Variants in ASXL2 observed in about 807,000 individuals in gnomAD.
ASXL2 encodes putative Polycomb group protein ASXL2.
A neutral mutation model predicts 122.0 loss-of-function variants in ASXL2; 23 were observed. The ratio of observed to expected loss-of-function variants is 0.19; its 90% CI spans 0.14 to 0.27. The LOEUF is 0.27. ASXL2 is among the 10% of genes least tolerant of loss of function. ASXL2 has a pLI of 1.00. For missense variants in ASXL2, 1,518 were observed against 1,713.8 expected (o/e 0.89, Z 2.02); for synonymous variants, 650 against 637.0 (o/e 1.02, Z -0.31).
intron 11 of ASXL2, among the ~76,000 whole-genome samples, chr2:25,753,242 G>A (rs2088076875): frequency 1.4e-5 from 1 of 70,824 alleles, no homozygotes; most frequent in Non-Finnish European, 3.2e-5. Flanking sequence ...TGGGGTTATA[G>A]TGTGAGCCAC....
chr2:25,765,322 G>A (rs1041415030), intron 8 of ASXL2, among the ~76,000 whole-genome samples: 34 of 151,692 alleles, frequency 2.2e-4, no homozygotes, highest in African/African-American at 6.3e-4. Flanking sequence ...CGTCTCTACT[G>A]AAAATACAAA....
intron 3 of ASXL2, among the ~76,000 whole-genome samples, chr2:25,821,985 T>C (rs1304424574): frequency 1.3e-5 from 2 of 151,958 alleles, no homozygotes. Context: ...ATGCAATGAG[T>C]TGCAAGTAAT....
intron 1 of ASXL2, among the ~76,000 whole-genome samples, chr2:25,870,088 T>TA (rs2089951626): frequency 6.6e-6 from 1 of 152,060 alleles, no homozygotes; most frequent in Non-Finnish European, 1.5e-5. Flanking sequence ...CGTTAACTTA[T>TA]AGAAGGTCTT....
At chr2:25,858,430 A>T (rs941525342) in intron 1 of ASXL2, among the ~76,000 whole-genome samples, 1 of 151,996 alleles carries the variant, frequency 6.6e-6, no homozygotes, top group Non-Finnish European at 1.5e-5. Flanking sequence ...AAAAAAAAAA[A>T]AAATTTTTTT....
At chr2:25,761,243 C>T (rs1313002439) in intron 8 of ASXL2, among the ~76,000 whole-genome samples, 1 of 152,154 alleles carries the variant, frequency 6.6e-6, no homozygotes, top group Admixed American at 6.5e-5. Flanking sequence ...AACTACAAAA[C>T]TAAAGCTCTA....
chr2:25,790,949 G>A (rs562426060), intron 5 of ASXL2, among the ~76,000 whole-genome samples: 10 of 151,916 alleles, frequency 6.6e-5, no homozygotes, highest in East Asian at 1.9e-4. Flanking sequence ...GACTACGGGT[G>A]TGCACCACCA....
At chr2:25,812,353 G>A (rs527511915) in intron 3 of ASXL2, among the ~76,000 whole-genome samples, 19 of 151,984 alleles carry the variant, frequency 1.3e-4, no homozygotes, top group African/African-American at 4.3e-4. Flanking sequence ...CCAGCTACTC[G>A]GAAGGCTGAG....
intron 5 of ASXL2, among the ~76,000 whole-genome samples, chr2:25,777,588 TA>T (rs11413577): frequency 1.7e-4 from 25 of 144,448 alleles, no homozygotes; most frequent in Admixed American, 2.1e-4. Flanking sequence ...TATCGTTTAA[TA>T]AAAAAAAAAA....
intron 12 of ASXL2, among the ~76,000 whole-genome samples, chr2:25,748,156 C>T (rs964043726): frequency 6.6e-6 from 1 of 151,100 alleles, no homozygotes; most frequent in Non-Finnish European, 1.5e-5. Context: ...CCAGCCTGGA[C>T]GACAGTGCAA....
chr2:25,856,432 TC>T, intron 1 of ASXL2: 1 of 774,360 alleles, frequency 1.3e-6, no homozygotes, highest in Non-Finnish European at 2.2e-6. Context: ...CCTGGGTCTG[TC>T]CAGTGGAGTC....
intron 5 of ASXL2, among the ~76,000 whole-genome samples, chr2:25,783,915 G>A (rs952901579): frequency 3.9e-5 from 6 of 152,072 alleles, no homozygotes; most frequent in African/African-American, 1.4e-4. Flanking sequence ...TTAGTCGGGC[G>A]TGGTGGCACA....
intron 1 of ASXL2, among the ~76,000 whole-genome samples, chr2:25,860,927 G>C (rs1213258833): frequency 6.6e-6 from 1 of 151,364 alleles, no homozygotes; most frequent in Non-Finnish European, 1.5e-5. Context: ...TGGGAGGATT[G>C]CTTGAGCCCA....
intron 1 of ASXL2, among the ~76,000 whole-genome samples, chr2:25,856,044 C>T (rs968580073): frequency 6.6e-6 from 1 of 151,574 alleles, no homozygotes; most frequent in African/African-American, 2.4e-5. Context: ...CAGGCATGCA[C>T]CACCATACCT....
chr2:25,742,907 C>G lies in ASXL2; in HGVS notation c.3430G>C (p.Val1144Leu). 1 of 1,613,966 alleles carries G rather than the reference C, an allele frequency of 6.2e-7. No individual in the cohort carries two copies. The highest frequency in any genetic ancestry group is 8.5e-7 in the Non-Finnish European group (1 of 1,179,888). ...GSESFRRTHS[V>L]NPEDRFCLSS... ...AGACAAAAACGATCTTCAGGGTTTA[C>G]AGAATGGGTCCTCCTAAAGCTCTCT... Residue 1144 changes from valine to leucine, a missense_variant, in exon 13 of 13, where the codon GTA becomes CTA. Transcript: ENST00000435504.
At chr2:25,861,029 C>T (rs1222418904) in intron 1 of ASXL2, among the ~76,000 whole-genome samples, 1 of 151,992 alleles carries the variant, frequency 6.6e-6, no homozygotes, top group African/African-American at 2.4e-5. Context: ...AAACAAAACA[C>T]AAAAAGAACT....
chr2:25,775,128 C>CT (rs927787503), intron 5 of ASXL2, among the ~76,000 whole-genome samples: 22 of 140,636 alleles, frequency 1.6e-4, no homozygotes, highest in East Asian at 9.8e-4. Flanking sequence ...CAAATCTCAT[C>CT]TTTTTTTTGT....
intron 2 of ASXL2, among the ~76,000 whole-genome samples, chr2:25,839,329 GTAAACAGTATGGGAATTA>G (rs769088525): frequency 2.0e-4 from 30 of 152,084 alleles, no homozygotes; most frequent in Non-Finnish European, 3.1e-4. Flanking sequence ...CTGTTTATTG[GTAAACAGTATGGGAATTA>G]ACTCTTCTCT....
intron 12 of ASXL2, among the ~76,000 whole-genome samples, chr2:25,747,675 C>T (rs575052436): frequency 1.3e-5 from 2 of 152,164 alleles, no homozygotes; most frequent in African/African-American, 2.4e-5. Context: ...TATAGCAAAA[C>T]CTAAACAGTT....
chr2:25,835,023 C>T (rs2089492259), intron 3 of ASXL2, among the ~76,000 whole-genome samples: 1 of 151,994 alleles, frequency 6.6e-6, no homozygotes, highest in South Asian at 2.1e-4. Context: ...GCAGTTTCAC[C>T]ATATTGGTCA....
Sources: gnomAD v4.1 joint callset for allele counts (sites outside exome capture counted in the v4.1 genomes callset) on GRCh38, gnomAD v4.1.1 for gene constraint, MANE v1.5 for transcripts, NCBI Gene and HGNC (gene_info 2026-07-23, HGNC 2026-07-21) for gene names.